Variants in CHST10 observed in about 807,000 individuals in gnomAD.
CHST10 encodes the protein HNK-1 sulfotransferase.
In CHST10, 24 loss-of-function variants were observed where a neutral mutation model predicts 34.7. The observed-to-expected ratio is 0.69, with a 90% CI of 0.50 to 0.97. The LOEUF (loss-of-function observed/expected upper bound fraction) is 0.97. CHST10 is among the 50% of genes least tolerant of loss of function. The pLI, the probability that CHST10 is intolerant of heterozygous loss-of-function variation, is 0.00. For synonymous variants in CHST10, 161 were observed against 169.3 expected (o/e 0.95, Z 0.38); for missense variants, 402 against 452.1 (o/e 0.89, Z 1.00).
intron 2 of CHST10, chr2:100,408,284 A>G (rs1050756435): frequency 6.6e-6 from 1 of 152,194 alleles, no homozygotes; most frequent in Non-Finnish European, 1.5e-5. Flanking sequence ...ATTCCTTGCA[A>G]GCCAGCTGTC....
chr2:100,408,159 T>C (rs1409638589), intron 2 of CHST10: 1 of 151,856 alleles, frequency 6.6e-6, no homozygotes, highest in Non-Finnish European at 1.5e-5. Context: ...AAATATTACA[T>C]ATACTTATAC....
Position 100,406,637 on chromosome 2 carries a change from C to G in CHST10, c.39G>C (p.Trp13Cys), listed in dbSNP as rs552799825. 1.2e-6 allele frequency: 2 copies of G among 1,614,160 alleles called. No individual in the cohort carries two copies. Among genetic ancestry groups the G allele is most frequent in the African/African-American group, 1.3e-5 (1 of 75,032 alleles). ...HQWLLLAACF[W>C]VIFMFMVASK... ...TAGCCACCATGAACATGAAAATCAC[C>G]CAAAAGCATGCGGCCAGCAGAAGCC... The change falls in exon 3 of 7, where the codon TGG becomes TGC. Residue 13 changes from tryptophan (W) to cysteine (C), a missense_variant. By Grantham distance (215) the Trp-to-Cys change is radical (BLOSUM62 -2). Transcript: ENST00000264249.
rs1676117698 is a variant in CHST10 at position 100,417,476 on chromosome 2, T to G, written c.-206A>C. On this transcript the variant is annotated 5_prime_UTR_variant, in exon 1 of 7. Transcript: ENST00000264249. ...GGGCCTGTGGGCGAAGCGCGCGGGGTCCTGGGAGCTCGGGAGGCCCGCCCC... is the reference window on the plus strand; with the variant it reads ...GGGCCTGTGGGCGAAGCGCGCGGGGGCCTGGGAGCTCGGGAGGCCCGCCCC... 1 of 154,906 alleles carries G rather than the reference T, an allele frequency of 6.5e-6. No homozygotes were observed. The highest frequency in any genetic ancestry group is 1.4e-5 in the Non-Finnish European group (1 of 70,176). 9.6% of individuals were successfully genotyped at this position (154,906 alleles called of 1,614,324 possible).
intron 3 of CHST10, among the ~76,000 whole-genome samples, chr2:100,405,215 G>A (rs529038734): frequency 3.9e-5 from 6 of 152,286 alleles, no homozygotes; most frequent in South Asian, 4.1e-4. Flanking sequence ...ACGGAACCCC[G>A]AGTCCCGGGC....
intron 3 of CHST10, among the ~76,000 whole-genome samples, chr2:100,402,980 C>T (rs1387188794): frequency 1.3e-5 from 2 of 152,112 alleles, no homozygotes; most frequent in Non-Finnish European, 2.9e-5. Context: ...ACTGTGAAAG[C>T]CCATTTGAAG....
chr2:100,399,349 G>A (rs1675229777), intron 4 of CHST10, among the ~76,000 whole-genome samples: 2 of 152,012 alleles, frequency 1.3e-5, no homozygotes, highest in Admixed American at 6.6e-5. Context: ...CTTGTGATCC[G>A]CCACCTCGGC....
chr2:100,417,127 G>C, intron 1 of CHST10: 1 of 1,145,108 alleles, frequency 8.7e-7, no homozygotes, highest in Non-Finnish European at 1.2e-6. Context: ...TTGTAGGCTC[G>C]CACAATATCA....
chr2:100,393,148 G>T lies in CHST10; in HGVS notation c.*97C>A. 4.4e-6 allele frequency: 6 copies of T among 1,356,392 alleles called. No homozygotes were observed. The highest frequency in any genetic ancestry group is 6.1e-6 in the Non-Finnish European group (6 of 976,650). 84.0% of individuals were successfully genotyped at this position (1,356,392 alleles called of 1,614,324 possible). A position where few individuals can be genotyped will look rare whatever the true frequency, so the allele number is the denominator to read the frequency against. On this transcript the variant is annotated 3_prime_UTR_variant, in exon 7 of 7. Coordinates refer to ENST00000264249, the MANE Select transcript of CHST10 (RefSeq NM_004854.5). ...TGGGAGACCCCGGGCGTCCTCAAAG[G>T]AGGGGTGTGGTGGAGGAAGGGTCAT... is the stretch of plus-strand genomic sequence containing the variant.
intron 1 of CHST10, chr2:100,417,008 T>C: frequency 7.7e-7 from 1 of 1,304,308 alleles, no homozygotes; most frequent in South Asian, 1.2e-5. Flanking sequence ...ACATGCTCCT[T>C]CTTCCCTGCC....
intron 2 of CHST10, 86 bp from the exon 3 acceptor site, chr2:100,406,793 A>G: frequency 6.6e-7 from 1 of 1,525,186 alleles, no homozygotes; most frequent in Non-Finnish European, 8.8e-7. Flanking sequence ...GATTTCAGTC[A>G]GTAAGTATCA....
chr2:100,402,483 C>A, intron 4 of CHST10, 81 bp downstream of exon 4: 1 of 1,100,730 alleles, frequency 9.1e-7, no homozygotes, highest in Non-Finnish European at 1.4e-6. Context: ...ACAAGCGGAA[C>A]CAGCCACAGG....
Position 100,393,657 on chromosome 2 carries a change from C to T in CHST10, c.659G>A (p.Gly220Asp). ...GTTCCTCCTGTATTTTCTGATGATG[C>T]CAGGAGCAATCTCATGCCTGTACCA... ...EPWYRHEIAP[G>D]IIRKYRRNRT... Residue 220 changes from glycine to aspartate, a missense_variant, in exon 7 of 7, where the codon GGC becomes GAC. By Grantham distance (94) the Gly-to-Asp change is moderately conservative. Coordinates refer to ENST00000264249, the MANE Select transcript of CHST10 (RefSeq NM_004854.5). The T allele has an allele frequency of 6.2e-7, 1 of 1,614,088 alleles. No individual in the cohort carries two copies. Among genetic ancestry groups the T allele is most frequent in the Non-Finnish European group, 8.5e-7 (1 of 1,180,008 alleles).
intron 2 of CHST10, among the ~76,000 whole-genome samples, chr2:100,411,116 C>CTTTTTTT (rs66495740): frequency 1.5e-5 from 2 of 129,088 alleles, no homozygotes; most frequent in Non-Finnish European, 3.3e-5. Context: ...AGCATTTTTT[C>CTTTTTTT]TTTTTTTTTT....
intron 3 of CHST10, among the ~76,000 whole-genome samples, chr2:100,406,049 T>C (rs1675557148): frequency 6.6e-6 from 1 of 152,130 alleles, no homozygotes; most frequent in African/African-American, 2.4e-5. Context: ...TCTTTATCCG[T>C]CCTCATCTGA....
intron 3 of CHST10, among the ~76,000 whole-genome samples, chr2:100,404,200 G>T (rs564613334): frequency 3.9e-5 from 6 of 152,142 alleles, no homozygotes; most frequent in Admixed American, 2.0e-4. Flanking sequence ...TGGTCACCCC[G>T]CAACGGGAGT....
At position 100,398,049 on chromosome 2, in the gene CHST10, C is replaced by A; in HGVS notation, c.286G>T (p.Ala96Ser). 1 of 1,614,176 alleles carries A rather than the reference C, an allele frequency of 6.2e-7. No individual in the cohort carries two copies. The highest frequency in any genetic ancestry group is 8.5e-7 in the Non-Finnish European group (1 of 1,180,024). The change falls in exon 5 of 7, where the codon GCC becomes TCC. Residue 96 changes from alanine to serine, a missense_variant. Ala to Ser is a moderately conservative substitution (Grantham distance 99). Transcript: ENST00000264249. The part of the protein sequence containing the change: ...ELIRNVCRDD[A>S]LKNLSHTPVS... Reference sequence around the variant, plus strand: ...GGAGTGTGCGAGAGATTCTTCAGGGCATCATCCCTGCAGACGTTTCTGATG... The same window carrying A: ...GGAGTGTGCGAGAGATTCTTCAGGGAATCATCCCTGCAGACGTTTCTGATG...
intron 1 of CHST10, chr2:100,416,717 A>AC (rs1260250320): frequency 5.0e-4 from 169 of 340,164 alleles, no homozygotes; most frequent in Admixed American, 4.2e-4. Flanking sequence ...AACAACAAAA[A>AC]CCCACCGTTA....
At chr2:100,397,162 T>C (rs761293050) in intron 5 of CHST10, among the ~76,000 whole-genome samples, 3 of 152,238 alleles carry the variant, frequency 2.0e-5, no homozygotes, top group Non-Finnish European at 4.4e-5. Context: ...TGACTGGAAC[T>C]AACTCCTGTC....
chr2:100,399,214 C>T (rs1264496589), intron 4 of CHST10, among the ~76,000 whole-genome samples: 1 of 152,040 alleles, frequency 6.6e-6, no homozygotes, highest in Admixed American at 6.5e-5. Flanking sequence ...CGCCATTCTC[C>T]TGCCTCAGCC....
Sources: allele counts gnomAD v4.1 joint callset (sites outside exome capture counted in the v4.1 genomes callset), GRCh38; gene constraint gnomAD v4.1.1; transcripts MANE v1.5; gene names NCBI Gene and HGNC (gene_info 2026-07-23, HGNC 2026-07-21).